Variants in RNF126 observed in about 807,000 individuals in gnomAD.
RNF126 encodes the protein E3 ubiquitin-protein ligase RNF126.
Under a neutral mutation model 41.9 loss-of-function variants are expected in RNF126, and 20 were observed. The ratio of observed to expected loss-of-function variants is 0.48; its 90% confidence interval spans 0.34 to 0.69. The LOEUF (loss-of-function observed/expected upper bound fraction) is 0.69. Ranked by LOEUF, RNF126 falls within the 30% of genes least tolerant of loss-of-function variation. The pLI is 0.01. For synonymous variants in RNF126, 239 were observed against 202.9 expected (o/e 1.18, Z -1.51); for missense variants, 433 against 460.6 (o/e 0.94, Z 0.55).
intron 1 of RNF126, among the ~76,000 whole-genome samples, chr19:656,724 A>G (rs1568193754): frequency 6.6e-6 from 1 of 152,184 alleles, no homozygotes; most frequent in Non-Finnish European, 1.5e-5. Flanking sequence ...TTAGTGTGGG[A>G]GCAGTGTGGC....
chr19:652,615 G>T, intron 2 of RNF126: 1 of 612,924 alleles, frequency 1.6e-6, no homozygotes, highest in Admixed American at 2.9e-5. Flanking sequence ...CGGCTGCACA[G>T]GTTGCCGGCA....
chr19:648,828 G>T, intron 7 of RNF126, 54 bp downstream of exon 7: 1 of 1,061,508 alleles, frequency 9.4e-7, no homozygotes, highest in Non-Finnish European at 1.3e-6. Context: ...TATGAGCCAG[G>T]CGTGGCGGCG....
chr19:651,464 A>G (rs1052760823), intron 4 of RNF126, 147 bp downstream of exon 4: 22 of 721,530 alleles, frequency 3.0e-5, no homozygotes, highest in East Asian at 7.5e-5. Context: ...GGGGAGTCAC[A>G]GGGGGCTGGA....
rs569675451 is a variant in RNF126, at chr19:647,695, C to T, written c.*433G>A. The T allele has an allele frequency of 1.3e-3, 266 of 208,292 alleles. No homozygotes were observed. The highest frequency in any genetic ancestry group is 5.3e-3 in the African/African-American group (224 of 41,934). 12.9% of individuals were successfully genotyped at this position (208,292 alleles called of 1,614,324 possible). ...GGCCGAGGGGGAGGCTGGGGGCCCA[C>T]GTGGCCCGTCCTGGCGGCACCTGCA... On this transcript the variant is annotated 3_prime_UTR_variant, in exon 9 of 9. Transcript: ENST00000292363.
chr19:652,123 C>T (rs2030333278), intron 3 of RNF126, 110 bp downstream of exon 3: 5 of 988,286 alleles, frequency 5.1e-6, no homozygotes, highest in Non-Finnish European at 7.1e-6. Context: ...GAAAAATTTC[C>T]TCCGCCGTGC....
Position 651,718 on chromosome 19 carries a change from C to A in RNF126, c.336G>T (p.Arg112=), listed in dbSNP as rs753358594. Residue 112 remains arginine (R), a synonymous_variant, in exon 4 of 9, where the codon CGG becomes CGT. Transcript: ENST00000292363. ...GGTGCCGGGACGGATGGTCTCTCTC[C>A]CGCCGGCTCTCAGGGTCCCTGCCGT... ...ADDGRDPESR[R]ERDHPSRHRY... The A allele has an allele frequency of 1.9e-6, 3 of 1,610,474 alleles. No homozygotes were observed. The South Asian group carries it at 3.3e-5, about 18-fold the overall frequency.
chr19:649,748 C>T lies in RNF126; in HGVS notation c.507G>A (p.Trp169Ter). The change falls in exon 6 of 9, where the codon TGG becomes TGA. Residue 169 changes from tryptophan to a stop codon, truncating the protein, a stop_gained and splice_region_variant. Coordinates refer to ENST00000292363, the MANE Select transcript of RNF126 (RefSeq NM_194460.3). LOFTEE classifies it high-confidence loss of function. ...CCATAGGGTTTGAGTGCAGGACTCC[C>T]CTGGAGGTGGAAGGTGGGGTTCAAG... ...TPATIPSLGP[W>*]GVLHSNPMDY... 1.3e-6 allele frequency: 2 copies of T among 1,562,960 alleles called. No homozygotes were observed. The highest frequency in any genetic ancestry group is 1.7e-6 in the Non-Finnish European group (2 of 1,152,318).
At chr19:661,698 T>C (rs758903095) in intron 1 of RNF126, among the ~76,000 whole-genome samples, 2 of 152,170 alleles carry the variant, frequency 1.3e-5, no homozygotes, top group Non-Finnish European at 2.9e-5. Flanking sequence ...TTCCTGGGTC[T>C]CTACTCCCGG....
chr19:658,699 A>G (rs1409458463), intron 1 of RNF126, among the ~76,000 whole-genome samples: 3 of 152,180 alleles, frequency 2.0e-5, no homozygotes, highest in Non-Finnish European at 4.4e-5. Flanking sequence ...TGGATGGACG[A>G]GGCGTGAGCG....
rs536448565 is a variant in RNF126 at position 649,223 on chromosome 19, G to GGT, written c.577-249_577-248insAC. 29 of 258,442 alleles carry GGT rather than the reference G, an allele frequency of 1.1e-4. 3 individuals are homozygous for GGT. Among genetic ancestry groups the GGT allele is most frequent in the Admixed American group, 7.7e-4 (14 of 18,278 alleles). The allele number at this position is 258,442 out of a possible 1,614,324, so 16.0% of individuals were successfully genotyped here. On this transcript the variant is annotated intron_variant, in intron 6 of 8. Transcript: ENST00000292363. The stretch of plus-strand genomic sequence containing the variant: ...TCCTGGGTCCCTGACAGCGGAATGG[G>GGT]GGGGGGGGCCGCGCTCCTGAGTGCC...
At chr19:652,097 C>T in intron 3 of RNF126, 136 bp downstream of exon 3, 1 of 807,402 alleles carries the variant, frequency 1.2e-6, no homozygotes, top group Non-Finnish European at 1.8e-6. Context: ...CAATCCCTGG[C>T]CCGGGCCCCT....
At chr19:661,780 G>A (rs926969397) in intron 1 of RNF126, among the ~76,000 whole-genome samples, 3 of 152,144 alleles carry the variant, frequency 2.0e-5, no homozygotes, top group Admixed American at 6.5e-5. Context: ...GGGCGGCTAC[G>A]TACACAGCAC....
intron 1 of RNF126, among the ~76,000 whole-genome samples, chr19:658,596 C>A (rs1328056827): frequency 1.3e-5 from 2 of 152,186 alleles, no homozygotes; most frequent in Admixed American, 6.5e-5. Context: ...GGCGCCTGCA[C>A]CCCTTTCTTC....
At chr19:653,123 C>T (rs2144764207) in intron 1 of RNF126, among the ~76,000 whole-genome samples, 1 of 149,962 alleles carries the variant, frequency 6.7e-6, no homozygotes, top group South Asian at 2.2e-4. Flanking sequence ...CCTGGCCCCA[C>T]CGTGACGGGC....
intron 7 of RNF126, among the ~76,000 whole-genome samples, 165 bp from the exon 8 acceptor site, chr19:648,652 C>T (rs1032117456): frequency 6.6e-6 from 1 of 152,170 alleles, no homozygotes; most frequent in Non-Finnish European, 1.5e-5. Context: ...GGACAGAACC[C>T]TCTCCTCCCA....
chr19:650,301 A>C lies in RNF126; in HGVS notation c.444-5T>G. The C allele has an allele frequency of 6.3e-7, 1 of 1,576,094 alleles. No homozygotes were observed. The highest frequency in any genetic ancestry group is 8.6e-7 in the Non-Finnish European group (1 of 1,161,684). On this transcript the variant is annotated splice_polypyrimidine_tract_variant and splice_region_variant and intron_variant, in intron 4 of 8. Transcript: ENST00000292363. The stretch of plus-strand genomic sequence containing the variant: ...TTGACGAGCTGCTGGATGATCCTGG[A>C]AAAGAGAGCGCCAGTCACGGGGTGA...
At chr19:653,134 G>A (rs569291282) in intron 1 of RNF126, among the ~76,000 whole-genome samples, 76 of 149,850 alleles carry the variant, frequency 5.1e-4, no homozygotes, top group South Asian at 8.6e-4. Context: ...CGTGACGGGC[G>A]TCACCAGCGT....
intron 1 of RNF126, among the ~76,000 whole-genome samples, chr19:657,273 C>T (rs1437299987): frequency 1.3e-5 from 2 of 152,212 alleles, no homozygotes; most frequent in Non-Finnish European, 2.9e-5. Flanking sequence ...AGCGCTCGGC[C>T]GCTCTGGTCC....
In RNF126 at chr19:648,224, C is replaced by G; in HGVS notation, c.840G>C (p.Thr280=). Residue 280 remains threonine (T), a synonymous_variant, in exon 9 of 9, where the codon ACG becomes ACC. Transcript: ENST00000292363. ...RKSLTGQNTA[T]NPPGLTGVSF... The stretch of plus-strand genomic sequence containing the variant: ...TCACCCCAGTGAGGCCAGGGGGGTT[C>G]GTGGCCGTGTTCTGTCCCGTGAGGC... 6.3e-7 allele frequency: 1 copy of G among 1,599,772 alleles called. No homozygotes were observed. Among genetic ancestry groups the G allele is most frequent in the Non-Finnish European group, 8.5e-7 (1 of 1,173,440 alleles).
Sources: allele counts gnomAD v4.1 joint callset (sites outside exome capture counted in the v4.1 genomes callset), GRCh38; gene constraint gnomAD v4.1.1; transcripts MANE v1.5; gene names NCBI Gene and HGNC (gene_info 2026-07-23, HGNC 2026-07-21).